NXPH1: variants seen among roughly 807,000 people sequenced by gnomAD.
NXPH1 encodes neurexophilin-1.
A neutral mutation model predicts 23.7 loss-of-function variants in NXPH1; 5 were observed. The ratio of observed to expected loss-of-function variants is 0.21; its 90% CI spans 0.11 to 0.44. The LOEUF (loss-of-function observed/expected upper bound fraction) is 0.44, where lower values mean the gene tolerates loss of function less well. NXPH1 is among the 20% of genes least tolerant of loss of function. NXPH1 has a pLI of 0.99. For synonymous variants in NXPH1, 144 were observed against 122.2 expected (o/e 1.18, Z -1.18); for missense variants, 324 against 321.6 (o/e 1.01, Z -0.06).
chr7:8,748,252 G>A (rs1346682062), intron 2 of NXPH1, among the ~76,000 whole-genome samples: 1 of 152,030 alleles, frequency 6.6e-6, no homozygotes, highest in East Asian at 1.9e-4. Flanking sequence ...TACTATTTTG[G>A]TATGAAGAAA....
intron 2 of NXPH1, among the ~76,000 whole-genome samples, chr7:8,623,377 A>G (rs938063276): frequency 2.0e-5 from 3 of 152,196 alleles, no homozygotes; most frequent in African/African-American, 7.2e-5. Flanking sequence ...GGGAAGAATA[A>G]ATAGATAAAT....
chr7:8,452,992 C>T (rs962714533), intron 2 of NXPH1, among the ~76,000 whole-genome samples: 7 of 151,942 alleles, frequency 4.6e-5, no homozygotes, highest in Admixed American at 1.3e-4. Flanking sequence ...AACATGTACC[C>T]CAGGAATATA....
intron 2 of NXPH1, among the ~76,000 whole-genome samples, chr7:8,595,572 T>C (rs1208432095): frequency 6.6e-6 from 1 of 152,124 alleles, no homozygotes; most frequent in African/African-American, 2.4e-5. Context: ...ATTGATTTAA[T>C]CTGCTAGGCA....
At chr7:8,618,022 A>AT (rs1427132555) in intron 2 of NXPH1, among the ~76,000 whole-genome samples, 1 of 152,094 alleles carries the variant, frequency 6.6e-6, no homozygotes, top group East Asian at 1.9e-4. Flanking sequence ...AAAGTTAAAA[A>AT]TTTTTTAAAA....
At chr7:8,559,638 C>G (rs1456556600) in intron 2 of NXPH1, among the ~76,000 whole-genome samples, 3 of 151,602 alleles carry the variant, frequency 2.0e-5, no homozygotes, top group African/African-American at 7.3e-5. Context: ...TGCCACTAGT[C>G]CATTCAGTGT....
At chr7:8,506,591 G>C (rs1394513891) in intron 2 of NXPH1, among the ~76,000 whole-genome samples, 6 of 152,108 alleles carry the variant, frequency 3.9e-5, no homozygotes, top group African/African-American at 1.2e-4. Flanking sequence ...AGTAGGGACA[G>C]TGTGTGTTTG....
chr7:8,727,276 A>G (rs1162529998), intron 2 of NXPH1, among the ~76,000 whole-genome samples: 1 of 120,310 alleles, frequency 8.3e-6, no homozygotes, highest in East Asian at 2.4e-4. Context: ...ATTTTCTCCC[A>G]TTTTGTAGGT....
chr7:8,641,648 T>C (rs1162603895), intron 2 of NXPH1, among the ~76,000 whole-genome samples: 1 of 152,192 alleles, frequency 6.6e-6, no homozygotes, highest in African/African-American at 2.4e-5. Context: ...CCATTGCTTA[T>C]GGTATTTACT....
chr7:8,606,412 T>G (rs1468164971), intron 2 of NXPH1, among the ~76,000 whole-genome samples: 1 of 152,164 alleles, frequency 6.6e-6, no homozygotes, highest in Non-Finnish European at 1.5e-5. Flanking sequence ...TCAAAGGTAC[T>G]GTTAACAATG....
chr7:8,584,103 A>G (rs1818933286), intron 2 of NXPH1, among the ~76,000 whole-genome samples: 1 of 152,230 alleles, frequency 6.6e-6, no homozygotes, highest in African/African-American at 2.4e-5. Flanking sequence ...ATTAATATTC[A>G]CAACACATTG....
chr7:8,640,508 C>T (rs1481898868), intron 2 of NXPH1, among the ~76,000 whole-genome samples: 1 of 151,610 alleles, frequency 6.6e-6, no homozygotes, highest in Non-Finnish European at 1.5e-5. Flanking sequence ...TCCTGTACTT[C>T]TTTACTTGTC....
intron 2 of NXPH1, among the ~76,000 whole-genome samples, chr7:8,650,502 T>G (rs1820474181): frequency 6.6e-6 from 1 of 152,238 alleles, no homozygotes; most frequent in South Asian, 2.1e-4. Flanking sequence ...TCAGGTAGTT[T>G]ATACATTTCA....
At chr7:8,653,924 A>C (rs1275317477) in intron 2 of NXPH1, among the ~76,000 whole-genome samples, 2 of 152,178 alleles carry the variant, frequency 1.3e-5, no homozygotes, top group African/African-American at 4.8e-5. Flanking sequence ...TCGTTAGAAA[A>C]ATGTAGATTA....
intron 2 of NXPH1, among the ~76,000 whole-genome samples, chr7:8,650,064 T>A (rs1428083775): frequency 6.6e-6 from 1 of 152,176 alleles, no homozygotes; most frequent in African/African-American, 2.4e-5. Flanking sequence ...TTGCTGCTAT[T>A]TCTGGACAGT....
intron 2 of NXPH1, among the ~76,000 whole-genome samples, chr7:8,655,403 T>TCA (rs1169100150): frequency 6.7e-4 from 2 of 2,996 alleles, no homozygotes; most frequent in African/African-American, 2.3e-3. Flanking sequence ...TTTGTCTTTC[T>TCA]CTCTCTCTCT....
intron 2 of NXPH1, among the ~76,000 whole-genome samples, chr7:8,448,119 T>A (rs1816437183): frequency 6.6e-6 from 1 of 152,228 alleles, no homozygotes; most frequent in South Asian, 2.1e-4. Context: ...GCAAAGTATT[T>A]CCTTAATTCT....
intron 2 of NXPH1, among the ~76,000 whole-genome samples, chr7:8,522,340 A>T (rs1817786706): frequency 6.6e-6 from 1 of 152,216 alleles, no homozygotes; most frequent in African/African-American, 2.4e-5. Flanking sequence ...ATGCAGGCAT[A>T]GCATTCATTG....
In NXPH1 at chr7:8,748,185, C is replaced by T. The variant is rs577888895; in HGVS notation, c.55-2823C>T. Among the ~76,000 whole-genome samples, 12 of 152,196 alleles carry T rather than the reference C, an allele frequency of 7.9e-5. No individual in the cohort carries two copies. In the East Asian group the frequency reaches 2.1e-3, roughly 27 times the overall value. On this transcript the variant is annotated intron_variant, in intron 2 of 2. Transcript: ENST00000405863. ...TTATTAAAAATTACTTGTGCTAAAG[C>T]AACGATTTTGCTGTTATTAGTCATT...
intron 2 of NXPH1, among the ~76,000 whole-genome samples, chr7:8,472,209 A>G (rs537718099): frequency 3.3e-5 from 5 of 152,124 alleles, no homozygotes; most frequent in Non-Finnish European, 7.4e-5. Context: ...GACTTGTACA[A>G]CAGCTCTGCT....
Sources: gnomAD v4.1 joint callset for allele counts (sites outside exome capture counted in the v4.1 genomes callset) on GRCh38, gnomAD v4.1.1 for gene constraint, MANE v1.5 for transcripts, NCBI Gene and HGNC (gene_info 2026-07-23, HGNC 2026-07-21) for gene names.